The following CLVS2 variants were observed in gnomAD, a reference collection of about 807,000 sequenced individuals.
The protein encoded by CLVS2 is clavesin-2.
In CLVS2, 19 loss-of-function variants were observed where a neutral mutation model predicts 29.0. The observed-to-expected ratio is 0.66, with a 90% CI of 0.46 to 0.96. CLVS2 has a LOEUF of 0.96. Among genes scored for constraint, CLVS2 ranks in the 40% least tolerant of loss-of-function variants. The probability of loss-of-function intolerance (pLI) is 0.00; values close to 1 mark genes in which losing one functional copy is unlikely to be tolerated. For synonymous variants in CLVS2, 161 were observed against 151.3 expected (o/e 1.06, Z -0.47); for missense variants, 294 against 404.1 (o/e 0.73, Z 2.34).
rs1562168975 is a variant in CLVS2, at chr6:123,030,837, A to AAAT, written c.565-17784_565-17783insATA. On this transcript the variant is annotated intron_variant, in intron 3 of 5. Coordinates refer to ENST00000275162, the MANE Select transcript of CLVS2 (RefSeq NM_001010852.4). ...AAGGAGAATATATATATATATATAA[A>AAAT]ATATATATATATACACACACATATA... Among the ~76,000 whole-genome samples the AAAT allele has an allele frequency of 3.0e-3, 432 of 146,190 alleles. 2 individuals are homozygous for AAAT. Among genetic ancestry groups the AAAT allele is most frequent in the South Asian group, 0.015 (69 of 4,672 alleles).
chr6:123,020,675 G>A (rs1162970114), intron 3 of CLVS2, among the ~76,000 whole-genome samples: 3 of 151,856 alleles, frequency 2.0e-5, no homozygotes, highest in Non-Finnish European at 2.9e-5. Context: ...ACTGGTTGGA[G>A]GTTTACTTAC....
intron 3 of CLVS2, 130 bp from the exon 4 acceptor site, chr6:123,048,492 T>G: frequency 1.7e-6 from 1 of 586,268 alleles, no homozygotes; most frequent in Non-Finnish European, 3.0e-6. Context: ...TCTTCTTTTC[T>G]CTCCTTAACT....
chr6:123,009,561 G>A (rs991367063), intron 2 of CLVS2, among the ~76,000 whole-genome samples: 6 of 151,782 alleles, frequency 4.0e-5, no homozygotes, highest in African/African-American at 1.5e-4. Flanking sequence ...GTATCATACT[G>A]CCTTCCTAAC....
In CLVS2 at chr6:123,007,206, A is replaced by G. The variant is rs555705207; in HGVS notation, c.390-3779A>G. Among the ~76,000 whole-genome samples, 6 of 152,350 alleles carry G rather than the reference A, an allele frequency of 3.9e-5. No individual in the cohort carries two copies. The Middle Eastern group carries it at 0.01, about 259-fold the overall frequency. On this transcript the variant is annotated intron_variant, in intron 2 of 5. Transcript: ENST00000275162. ...AAAGCAAAAGTCATACAATTGTAGA[A>G]GTCATAGAAGTTAACATTTATTGTT... is the stretch of plus-strand genomic sequence containing the variant.
At chr6:123,011,994 T>C (rs1316304196) in intron 3 of CLVS2, among the ~76,000 whole-genome samples, 1 of 152,002 alleles carries the variant, frequency 6.6e-6, no homozygotes, top group Non-Finnish European at 1.5e-5. Context: ...TCTGACTGCA[T>C]CTATACACAC....
rs1772883284 is a variant in CLVS2 at position 123,067,683 on chromosome 6, G to A, written c.*3922G>A. On this transcript the variant is annotated 3_prime_UTR_variant, in exon 6 of 6. Transcript: ENST00000275162. ...GCTCATAGGCATATATTCCATTGTA[G>A]ATCTGCTATATAAATACATAGCCTG... The A allele has an allele frequency of 6.6e-6, 1 of 151,654 alleles. No individual in the cohort carries two copies. The highest frequency in any genetic ancestry group is 1.5e-5 in the Non-Finnish European group (1 of 67,742). 9.4% of individuals were successfully genotyped at this position (151,654 alleles called of 1,614,324 possible). A position where few individuals can be genotyped will look rare whatever the true frequency, so the allele number is the denominator to read the frequency against.
At chr6:123,043,136 A>G (rs1474789260) in intron 3 of CLVS2, among the ~76,000 whole-genome samples, 2 of 152,172 alleles carry the variant, frequency 1.3e-5, no homozygotes, top group African/African-American at 2.4e-5. Flanking sequence ...GCCATTACCA[A>G]TAACTATTAT....
chr6:123,045,712 A>C (rs1772485254), intron 3 of CLVS2, among the ~76,000 whole-genome samples: 1 of 152,172 alleles, frequency 6.6e-6, no homozygotes, highest in Admixed American at 6.5e-5. Context: ...CCTACAGAAT[A>C]TGTAACCTCT....
At chr6:123,013,843 A>T (rs1464314406) in intron 3 of CLVS2, among the ~76,000 whole-genome samples, 1 of 149,042 alleles carries the variant, frequency 6.7e-6, no homozygotes, top group Non-Finnish European at 1.5e-5. Context: ...CCAGTGTGTG[A>T]TGTTCCCCTT....
intron 2 of CLVS2, among the ~76,000 whole-genome samples, chr6:123,003,048 G>A (rs898427813): frequency 6.6e-6 from 1 of 152,106 alleles, no homozygotes; most frequent in Admixed American, 6.5e-5. Context: ...GCAAATAGGG[G>A]AGGAAAAAAA....
intron 3 of CLVS2, among the ~76,000 whole-genome samples, chr6:123,039,812 C>T (rs1775202748): frequency 1.3e-5 from 2 of 152,144 alleles, no homozygotes; most frequent in African/African-American, 4.8e-5. Flanking sequence ...GTTGGTTTTA[C>T]TTTGAGAAAT....
chr6:123,013,527 G>A (rs1009681821), intron 3 of CLVS2, among the ~76,000 whole-genome samples: 6 of 151,980 alleles, frequency 3.9e-5, no homozygotes, highest in African/African-American at 1.4e-4. Flanking sequence ...AGCCAGAGAG[G>A]AAACTTACGT....
At chr6:123,029,404 A>C (rs969574335) in intron 3 of CLVS2, among the ~76,000 whole-genome samples, 3 of 152,224 alleles carry the variant, frequency 2.0e-5, no homozygotes, top group Non-Finnish European at 2.9e-5. Context: ...CTGAGAAAAG[A>C]GATATCCATA....
intron 5 of CLVS2, among the ~76,000 whole-genome samples, chr6:123,058,510 C>T (rs1293757929): frequency 6.6e-6 from 1 of 152,204 alleles, no homozygotes; most frequent in African/African-American, 2.4e-5. Context: ...CAGCTGCACC[C>T]ACCCCCTAAA....
intron 5 of CLVS2, among the ~76,000 whole-genome samples, chr6:123,056,425 T>C (rs1393370258): frequency 3.3e-5 from 5 of 152,184 alleles, no homozygotes; most frequent in African/African-American, 1.2e-4. Flanking sequence ...CTACTATCTA[T>C]TTCTATGAGT....
intron 3 of CLVS2, among the ~76,000 whole-genome samples, chr6:123,032,013 T>G (rs141939601): frequency 1.8e-4 from 27 of 152,264 alleles, no homozygotes; most frequent in Non-Finnish European, 3.4e-4. Flanking sequence ...TTATTTCTAT[T>G]CTTTTAAAAA....
At chr6:123,003,759 G>T (rs1227145389) in intron 2 of CLVS2, among the ~76,000 whole-genome samples, 5 of 152,200 alleles carry the variant, frequency 3.3e-5, no homozygotes, top group Non-Finnish European at 1.5e-5. Flanking sequence ...GTTTACCAGT[G>T]CTAGAAGCTG....
intron 3 of CLVS2, among the ~76,000 whole-genome samples, chr6:123,034,921 G>A (rs1232196140): frequency 6.6e-6 from 1 of 152,070 alleles, no homozygotes; most frequent in African/African-American, 2.4e-5. Context: ...TCAATAGATA[G>A]ATTCAGGTAC....
intron 3 of CLVS2, among the ~76,000 whole-genome samples, chr6:123,025,365 A>G (rs905527074): frequency 2.0e-5 from 3 of 152,104 alleles, no homozygotes; most frequent in Non-Finnish European, 2.9e-5. Flanking sequence ...GCTCATTGTC[A>G]TTGGTTGGGA....
Sources: allele counts gnomAD v4.1 joint callset (sites outside exome capture counted in the v4.1 genomes callset), GRCh38; gene constraint gnomAD v4.1.1; transcripts MANE v1.5; gene names NCBI Gene and HGNC (gene_info 2026-07-23, HGNC 2026-07-21).